MTNAP1: variants seen among roughly 807,000 people sequenced by gnomAD.
MTNAP1 encodes mitochondrial nucleoid associated protein 1.
At chr17:73,248,231 A>G in the MTNAP1 span, 1 of 453,680 alleles carries the variant, frequency 2.2e-6, no homozygotes, top group Non-Finnish European at 4.0e-6. Context: ...AGCTTCATCC[A>G]GAAAGACAAG....
At chr17:73,245,133 C>G in the MTNAP1 span, 4 of 1,610,664 alleles carry the variant, frequency 2.5e-6, no homozygotes, top group Non-Finnish European at 3.4e-6. Flanking sequence ...GAAGTGGCCT[C>G]TCGGATCCTT....
the MTNAP1 span, among the ~76,000 whole-genome samples, chr17:73,240,855 A>AT: frequency 3.6e-5 from 5 of 139,206 alleles, no homozygotes; most frequent in Non-Finnish European, 7.8e-5. Context: ...TTTTCCTCAA[A>AT]TTTTTTCCAA....
At chr17:73,244,969 T>C in the MTNAP1 span, among the ~76,000 whole-genome samples, 27 of 152,324 alleles carry the variant, frequency 1.8e-4, no homozygotes, top group African/African-American at 6.5e-4. Context: ...CTTAAAGTTT[T>C]ACCAGTCTGA....
chr17:73,247,185 C>T, the MTNAP1 span: 25 of 1,510,922 alleles, frequency 1.7e-5, no homozygotes, highest in Admixed American at 8.4e-5. Context: ...CGAGTAGTTG[C>T]GACAGAAACC....
chr17:73,234,773 CTG>C, the MTNAP1 span, among the ~76,000 whole-genome samples: 2,206 of 145,970 alleles, frequency 0.015, 62 homozygotes, highest in African/African-American at 0.053. Context: ...TTATGTATAT[CTG>C]TGTGTGTGTG....
At chr17:73,233,277 G>T in the MTNAP1 span, 1 of 152,344 alleles carries the variant, frequency 6.6e-6, no homozygotes, top group Non-Finnish European at 1.5e-5. Flanking sequence ...GAAGCATGGG[G>T]ATCCGGGAGA....
At chr17:73,245,574 GACT>G in the MTNAP1 span, 1 of 985,338 alleles carries the variant, frequency 1.0e-6, no homozygotes, top group Non-Finnish European at 1.2e-6. Flanking sequence ...TGAGATACCA[GACT>G]ACTACCTATA....
the MTNAP1 span, chr17:73,236,162 A>AT: frequency 4.3e-6 from 7 of 1,614,186 alleles, no homozygotes; most frequent in Non-Finnish European, 5.1e-6. Flanking sequence ...CCTACTGGTG[A>AT]TTGTCATATT....
the MTNAP1 span, chr17:73,236,372 A>G: frequency 6.2e-7 from 1 of 1,614,152 alleles, no homozygotes; most frequent in Non-Finnish European, 8.5e-7. Context: ...GAGAAACAAG[A>G]GAAAGGACTT....
At chr17:73,247,093 A>G in the MTNAP1 span, 28 of 673,292 alleles carry the variant, frequency 4.2e-5, no homozygotes, top group South Asian at 7.5e-5. Flanking sequence ...TTGTTTTTGT[A>G]TGTAGTCAAA....
the MTNAP1 span, among the ~76,000 whole-genome samples, chr17:73,234,723 G>C: frequency 4.0e-4 from 60 of 149,092 alleles, no homozygotes; most frequent in African/African-American, 1.4e-3. Context: ...ACAGGACTGT[G>C]TCCTTGGCCA....
the MTNAP1 span, chr17:73,247,104 A>C: frequency 2.8e-6 from 2 of 726,710 alleles, no homozygotes; most frequent in Non-Finnish European, 4.5e-6. Flanking sequence ...TGTAGTCAAA[A>C]TGTACAAAAA....
chr17:73,242,163 C>A, the MTNAP1 span: 2 of 868,778 alleles, frequency 2.3e-6, no homozygotes, highest in South Asian at 1.7e-5. Flanking sequence ...GAGGCTTAGC[C>A]GTGGATCCTT....
At chr17:73,247,381 C>G in the MTNAP1 span, 1 of 1,598,846 alleles carries the variant, frequency 6.3e-7, no homozygotes, top group Middle Eastern at 1.7e-4. Context: ...TGACTTCTCT[C>G]TAGTGCCTTC....
At chr17:73,242,246 T>G in the MTNAP1 span, 16 of 1,576,904 alleles carry the variant, frequency 1.0e-5, no homozygotes, top group African/African-American at 1.4e-5. Flanking sequence ...AACCATAGTT[T>G]CTTTGTTGGA....
the MTNAP1 span, among the ~76,000 whole-genome samples, chr17:73,240,274 A>T: frequency 1.3e-5 from 2 of 152,166 alleles, no homozygotes; most frequent in South Asian, 4.1e-4. Flanking sequence ...TTAGTTTGGG[A>T]CTTCTACATC....
chr17:73,242,219 C>T, the MTNAP1 span: 4 of 1,478,982 alleles, frequency 2.7e-6, no homozygotes, highest in East Asian at 7.0e-5. Flanking sequence ...TAAACAATGA[C>T]AGTGACTTCT....
At chr17:73,236,409 C>T in the MTNAP1 span, 1 of 1,613,836 alleles carries the variant, frequency 6.2e-7, no homozygotes, top group African/African-American at 1.3e-5. Context: ...CGTGTGGGAG[C>T]AAAGGAAATG....
chr17:73,245,894 A>G, the MTNAP1 span: 3 of 216,144 alleles, frequency 1.4e-5, no homozygotes, highest in African/African-American at 7.1e-5. Flanking sequence ...ACCCCTATCT[A>G]TCCCTTTCTC....
Sources: allele counts gnomAD v4.1 joint callset (sites outside exome capture counted in the v4.1 genomes callset), GRCh38; gene constraint gnomAD v4.1.1; transcripts MANE v1.5; gene names NCBI Gene and HGNC (gene_info 2026-07-23, HGNC 2026-07-21).